CCNC: variants seen among roughly 807,000 people sequenced by gnomAD.
CCNC encodes the protein cyclin C.
Under a neutral mutation model 50.0 loss-of-function variants are expected in CCNC, and 19 were observed. That is an observed-to-expected ratio of 0.38 (90% confidence interval 0.27 to 0.56). The LOEUF (loss-of-function observed/expected upper bound fraction) is 0.56, where lower values mean the gene tolerates loss of function less well. CCNC is among the 20% of genes least tolerant of loss of function. The probability of loss-of-function intolerance (pLI) is 0.72; values close to 1 mark genes in which losing one functional copy is unlikely to be tolerated. For synonymous variants in CCNC, 93 were observed against 103.7 expected, an observed-to-expected ratio of 0.90 and a Z score of 0.63; for missense variants, 200 against 327.1, an observed-to-expected ratio of 0.61 and a Z score of 3.00.
At chr6:99,559,836 C>T (rs1050836189) in intron 4 of CCNC, among the ~76,000 whole-genome samples, 2 of 151,146 alleles carry the variant, frequency 1.3e-5, no homozygotes, top group African/African-American at 4.9e-5. Context: ...TCTCATGCTT[C>T]GGCCTCCCTA....
At chr6:99,547,355 T>C (rs1309672819) in intron 9 of CCNC, among the ~76,000 whole-genome samples, 2 of 151,754 alleles carry the variant, frequency 1.3e-5, no homozygotes, top group Non-Finnish European at 2.9e-5. Flanking sequence ...TAAAATACAG[T>C]GGACAATGCT....
Position 99,542,719 on chromosome 6 carries a change from A to G in CCNC, c.*836T>C, listed in dbSNP as rs1449936201. On this transcript the variant is annotated 3_prime_UTR_variant, in exon 12 of 12. Transcript: ENST00000520429. ...AGTAAATCTGTAAATCCACACCAAG[A>G]CACAACATTAAACTAGGGTGTGTAT... 1 of 152,580 alleles carries G rather than the reference A, an allele frequency of 6.6e-6. No homozygotes were observed. The allele number at this position is 152,580 out of a possible 1,614,324, so 9.5% of individuals were successfully genotyped here.
chr6:99,558,598 C>T, intron 4 of CCNC, 50 bp from the exon 5 acceptor site: 6 of 1,512,386 alleles, frequency 4.0e-6, no homozygotes, highest in Non-Finnish European at 5.4e-6. Flanking sequence ...CTAAGGGTAT[C>T]TGAACTCTAT....
Position 99,551,850 on chromosome 6 carries a change from C to A in CCNC, c.392G>T (p.Arg131Met). 1 of 1,429,126 alleles carries A rather than the reference C, an allele frequency of 7.0e-7. No homozygotes were observed. The highest frequency in any genetic ancestry group is 9.4e-7 in the Non-Finnish European group (1 of 1,063,124). 88.5% of individuals were successfully genotyped at this position (1,429,126 alleles called of 1,614,324 possible). The change falls in exon 6 of 12, where the codon AGG becomes ATG. Residue 131 changes from arginine (R) to methionine (M), a missense_variant. Transcript: ENST00000520429. ...SYAFPKEFPY[R>M]MNHILECEFY... The stretch of plus-strand genomic sequence containing the variant: ...ATATCATATACTTACATGATTCATC[C>A]TATAAGGAAATTCCTTTGGAAAGGC...
At chr6:99,543,823 T>TA in intron 11 of CCNC, 1 of 1,376,926 alleles carries the variant, frequency 7.3e-7, no homozygotes, top group Non-Finnish European at 9.4e-7. Context: ...TGCCCTCACA[T>TA]ATAACAAGCA....
chr6:99,563,093 T>C, intron 1 of CCNC, 145 bp from the exon 2 acceptor site: 1 of 607,634 alleles, frequency 1.6e-6, no homozygotes, highest in African/African-American at 1.9e-5. Context: ...GAAACGTGAC[T>C]AATAAGAATT....
chr6:99,568,406 G>GATCCC (rs1769249169), intron 1 of CCNC, 90 bp downstream of exon 1: 1 of 1,298,322 alleles, frequency 7.7e-7, no homozygotes, highest in African/African-American at 1.5e-5. Context: ...TCGGAACTGA[G>GATCCC]CTGGGATCCA....
intron 10 of CCNC, among the ~76,000 whole-genome samples, chr6:99,546,154 C>T (rs1449922277): frequency 6.6e-6 from 1 of 151,970 alleles, no homozygotes; most frequent in Non-Finnish European, 1.5e-5. Context: ...TCAGTAGAGA[C>T]GGGGTTTCAC....
At chr6:99,561,727 T>G (rs560989767) in intron 2 of CCNC, 46 bp from the exon 3 acceptor site, 1 of 1,154,758 alleles carries the variant, frequency 8.7e-7, no homozygotes, top group Admixed American at 1.8e-5. Context: ...CTGGTATCAT[T>G]ATAATATTAA....
rs1311618856 is a variant in CCNC at position 99,550,792 on chromosome 6, T to C, written c.438+201A>G. ...ACTATAGAACAGAAAAATTTTCCCATCCTAAGTAGGATATACAAATTATTT... is the reference window on the plus strand; with the variant it reads ...ACTATAGAACAGAAAAATTTTCCCACCCTAAGTAGGATATACAAATTATTT... On this transcript the variant is annotated intron_variant, in intron 7 of 11. Transcript: ENST00000520429. The C allele has an allele frequency of 1.0e-5, 3 of 286,496 alleles. No homozygotes were observed. The East Asian group carries it at 2.1e-4, about 20-fold the overall frequency. 17.7% of individuals were successfully genotyped at this position (286,496 alleles called of 1,614,324 possible).
chr6:99,553,850 C>T (rs947070826), intron 5 of CCNC, among the ~76,000 whole-genome samples: 1 of 152,172 alleles, frequency 6.6e-6, no homozygotes, highest in Non-Finnish European at 1.5e-5. Context: ...CTAAGACATG[C>T]CTTCACCCAG....
Position 99,561,438 on chromosome 6 carries a change from T to C in CCNC, c.225-2A>G. ...GGATCTATACTTTTCAGAGAATACC[T>C]AAAATATGATAAAACAAAGTTAAAT... On this transcript the variant is annotated splice_acceptor_variant, in intron 3 of 11. Transcript: ENST00000520429. LOFTEE classifies it high-confidence loss of function. 1 of 1,538,272 alleles carries C rather than the reference T, an allele frequency of 6.5e-7. No individual in the cohort carries two copies. Among genetic ancestry groups the C allele is most frequent in the Non-Finnish European group, 8.8e-7 (1 of 1,139,070 alleles).
intron 1 of CCNC, among the ~76,000 whole-genome samples, chr6:99,564,422 CAAA>C (rs11345511): frequency 5.5e-4 from 53 of 97,116 alleles, no homozygotes; most frequent in Non-Finnish European, 7.6e-4. Flanking sequence ...GAGACTCTGT[CAAA>C]AAAAAAAAAA....
intron 5 of CCNC, among the ~76,000 whole-genome samples, chr6:99,554,614 C>G (rs982147431): frequency 6.6e-6 from 1 of 152,156 alleles, no homozygotes; most frequent in Non-Finnish European, 1.5e-5. Context: ...TGGGAGCTCT[C>G]TTAGTTAGCT....
At chr6:99,547,395 A>C (rs1802109927) in intron 9 of CCNC, among the ~76,000 whole-genome samples, 1 of 152,134 alleles carries the variant, frequency 6.6e-6, no homozygotes, top group Admixed American at 6.5e-5. Flanking sequence ...GAGTACACTG[A>C]AGATTGAGGA....
intron 5 of CCNC, 133 bp downstream of exon 5, chr6:99,558,364 A>G: frequency 1.4e-6 from 2 of 1,401,224 alleles, no homozygotes; most frequent in Non-Finnish European, 1.9e-6. Flanking sequence ...CACTAGATAT[A>G]AAGTTATCCT....
At chr6:99,547,543 A>T in intron 9 of CCNC, among the ~76,000 whole-genome samples, 1 of 152,114 alleles carries the variant, frequency 6.6e-6, no homozygotes, top group Admixed American at 6.5e-5. Flanking sequence ...TTGGGAGACG[A>T]ATTTGGCTAG....
chr6:99,557,534 T>G (rs1262261186), intron 5 of CCNC: 1 of 151,980 alleles, frequency 6.6e-6, no homozygotes, highest in Non-Finnish European at 1.5e-5. Flanking sequence ...AGGCCAGACA[T>G]GGTGGCTCAC....
chr6:99,544,007 T>C (rs1277374100), intron 11 of CCNC: 5 of 1,108,264 alleles, frequency 4.5e-6, no homozygotes, highest in Non-Finnish European at 5.5e-6. Context: ...AAACAAGAAG[T>C]GTTCTTCAAA....
Sources: allele counts gnomAD v4.1 joint callset (sites outside exome capture counted in the v4.1 genomes callset), GRCh38; gene constraint gnomAD v4.1.1; transcripts MANE v1.5; gene names NCBI Gene and HGNC (gene_info 2026-07-23, HGNC 2026-07-21).